BFSP1: variants seen among roughly 807,000 people sequenced by gnomAD.
BFSP1 encodes the protein beaded filament structural protein 1.
In BFSP1, 38 loss-of-function variants were observed where a neutral mutation model predicts 43.9. The observed-to-expected ratio is 0.87, with a 90% confidence interval of 0.67 to 1.14. BFSP1 has a LOEUF of 1.14. Among genes scored for constraint, BFSP1 ranks in the 50% most tolerant of loss-of-function variants. BFSP1 has a pLI of 0.00. For missense variants in BFSP1, 850 were observed against 875.1 expected, an observed-to-expected ratio of 0.97 and a Z score of 0.36; for synonymous variants, 352 against 354.8, an observed-to-expected ratio of 0.99 and a Z score of 0.09.
At position 17,553,844 on chromosome 20, in the gene BFSP1, TATATAC is replaced by T. The variant is rs1568718072; in HGVS notation, c.2+4838_2+4843del. ...ACACACATATATATATATACACATA[TATATAC>T]ATATATATACACATATATATACATA... On this transcript the variant is annotated intron_variant, in intron 1 of 7. Coordinates refer to the BFSP1 transcript ENST00000377868. Among the ~76,000 whole-genome samples, 176 of 87,462 alleles carry T rather than the reference TATATAC, an allele frequency of 2.0e-3. 2 individuals carry two copies. Among genetic ancestry groups the T allele is most frequent in the African/African-American group, 0.011 (130 of 12,332 alleles). The allele number at this position is 87,462 out of a possible 152,430, so 57.4% of individuals were successfully genotyped here. A position where few individuals can be genotyped will look rare whatever the true frequency, so the allele number is the denominator to read the frequency against.
chr20:17,497,525 C>T (rs898667756), intron 6 of BFSP1, among the ~76,000 whole-genome samples: 144 of 144,180 alleles, frequency 1.0e-3, no homozygotes, highest in African/African-American at 2.8e-3. Flanking sequence ...TATATATACA[C>T]ACACGTATGT....
upstream of BFSP1, chr20:17,531,475 C>T (rs2034540315): frequency 1.8e-6 from 2 of 1,137,382 alleles, no homozygotes; most frequent in East Asian, 7.0e-5. Context: ...GGGCGCCACG[C>T]TGGGCCCGGG....
chr20:17,504,067 T>G (rs1317654520), intron 5 of BFSP1, among the ~76,000 whole-genome samples: 1 of 152,130 alleles, frequency 6.6e-6, no homozygotes, highest in Non-Finnish European at 1.5e-5. Context: ...TTCTTGGGTG[T>G]GCATTTGTGT....
At chr20:17,530,832 A>C in intron 1 of BFSP1, 121 bp downstream of exon 1, 7 of 1,116,732 alleles carry the variant, frequency 6.3e-6, no homozygotes, top group Non-Finnish European at 8.1e-6. Context: ...GGATGAGGTC[A>C]TCGATCGACA....
chr20:17,524,969 A>G, intron 1 of BFSP1, 61 bp from the exon 2 acceptor site: 1 of 1,428,434 alleles, frequency 7.0e-7, no homozygotes, highest in Non-Finnish European at 9.9e-7. Flanking sequence ...TGTATGGATC[A>G]CATAATCAGC....
intron 1 of BFSP1, 75 bp from the exon 2 acceptor site, chr20:17,524,983 A>C: frequency 1.5e-6 from 2 of 1,313,382 alleles, no homozygotes; most frequent in South Asian, 2.4e-5. Flanking sequence ...AATCAGCATT[A>C]AATTCAACCT....
At chr20:17,532,404 CAAAAAAAA>C (rs531941557), upstream of BFSP1, among the ~76,000 whole-genome samples, 1 of 61,352 alleles carries the variant, frequency 1.6e-5, no homozygotes, top group Non-Finnish European at 3.6e-5. Context: ...GACTCCGTCT[CAAAAAAAA>C]AAAAAAAAAG....
At position 17,507,272 on chromosome 20, in the gene BFSP1, GGTGTGTGTGT is replaced by G. The variant is rs373485156; in HGVS notation, c.735+1607_735+1616del. Among the ~76,000 whole-genome samples, 5 of 141,226 alleles carry G rather than the reference GGTGTGTGTGT, an allele frequency of 3.5e-5. No homozygotes were observed. Among genetic ancestry groups the G allele is most frequent in the African/African-American group, 5.3e-5 (2 of 37,768 alleles). The allele number at this position is 141,226 out of a possible 152,430, so 92.6% of individuals were successfully genotyped here. A position where few individuals can be genotyped will look rare whatever the true frequency, so the allele number is the denominator to read the frequency against. ...GCGAGCCATACACATCAGATAGGTA[GGTGTGTGTGT>G]GTGTGTGTGTGTGTGTGTGTGTGTA... On this transcript the variant is annotated intron_variant, in intron 5 of 7. Transcript: ENST00000377873. This position sits in a 1 kb window ranked among gnomAD's most constrained non-coding sequence, Gnocchi z 4.4.
At chr20:17,542,665 A>G (rs2034738080) in intron 1 of BFSP1, among the ~76,000 whole-genome samples, 1 of 152,168 alleles carries the variant, frequency 6.6e-6, no homozygotes, top group Non-Finnish European at 1.5e-5. Context: ...ATAATACCAT[A>G]TCTCTGGTGA....
intron 1 of BFSP1, among the ~76,000 whole-genome samples, chr20:17,539,077 A>C (rs1000521507): frequency 2.7e-5 from 4 of 149,162 alleles, no homozygotes; most frequent in Non-Finnish European, 5.9e-5. Flanking sequence ...GGAATTGGGC[A>C]CATGCATCCA....
chr20:17,562,793 ATATACT>A (rs2035079265), upstream of BFSP1, among the ~76,000 whole-genome samples: 1 of 152,220 alleles, frequency 6.6e-6, no homozygotes, highest in African/African-American at 2.4e-5. Context: ...CTTCCCACAA[ATATACT>A]TAAACATATT....
At chr20:17,520,932 C>A (rs959401730) in intron 2 of BFSP1, among the ~76,000 whole-genome samples, 2 of 152,126 alleles carry the variant, frequency 1.3e-5, no homozygotes, top group African/African-American at 4.8e-5. Context: ...TATATGTCAG[C>A]CTTTAAATAT....
At chr20:17,548,239 T>C (rs1330619639) in intron 1 of BFSP1, among the ~76,000 whole-genome samples, 2 of 145,806 alleles carry the variant, frequency 1.4e-5, no homozygotes, top group Admixed American at 6.9e-5. Context: ...TAGAATCTAA[T>C]AGCATGTGTA....
In BFSP1 at chr20:17,507,907, T is replaced by G. The variant is rs763272589; in HGVS notation, c.735+982A>C. 2.0e-5 allele frequency among the ~76,000 whole-genome samples: 3 copies of G among 152,158 alleles called. No homozygotes were observed. The highest frequency in any genetic ancestry group is 6.6e-5 in the Admixed American group (1 of 15,262). ...ACTGTGAGTTTTGTGTGGTGCGTGC[T>G]GGGATGGGAATTAGGATGTGAACTC... On this transcript the variant is annotated intron_variant, in intron 5 of 7. Transcript: ENST00000377873. This position sits in a 1 kb window ranked among gnomAD's most constrained non-coding sequence, Gnocchi z 4.4.
chr20:17,553,875 A>ATATG (rs1363482167), intron 1 of BFSP1, among the ~76,000 whole-genome samples: 1 of 133,876 alleles, frequency 7.5e-6, no homozygotes, highest in East Asian at 2.1e-4. Context: ...ATATATACAT[A>ATATG]TATATATATA....
intron 1 of BFSP1, among the ~76,000 whole-genome samples, chr20:17,557,240 C>A (rs979254246): frequency 2.0e-5 from 3 of 152,242 alleles, no homozygotes; most frequent in Non-Finnish European, 4.4e-5. Context: ...CCAGGTCCCA[C>A]GTCAATCTCT....
chr20:17,562,765 A>C (rs1483262552), upstream of BFSP1, among the ~76,000 whole-genome samples: 1 of 152,182 alleles, frequency 6.6e-6, no homozygotes, highest in Admixed American at 6.5e-5. Flanking sequence ...CAATAATGTC[A>C]CCATGTGGTA....
At chr20:17,508,826 C>A (rs866153763) in intron 5 of BFSP1, 63 bp downstream of exon 5, 3 of 1,390,914 alleles carry the variant, frequency 2.2e-6, no homozygotes, top group Admixed American at 2.6e-5. Flanking sequence ...CGTGTGCCTG[C>A]GCGTAACACC....
At chr20:17,497,932 G>A (rs951844444) in intron 6 of BFSP1, among the ~76,000 whole-genome samples, 1 of 152,136 alleles carries the variant, frequency 6.6e-6, no homozygotes, top group African/African-American at 2.4e-5. Context: ...GCCAGCTCCA[G>A]ACTTATTCTT....
Sources: allele counts gnomAD v4.1 joint callset (sites outside exome capture counted in the v4.1 genomes callset), GRCh38; gene constraint gnomAD v4.1.1; non-coding constraint Gnocchi (gnomAD v3.1); transcripts MANE v1.5; gene names NCBI Gene and HGNC (gene_info 2026-07-23, HGNC 2026-07-21).